The following MYOM2 variants were observed in gnomAD, a reference collection of about 807,000 sequenced individuals.
MYOM2 encodes myomesin 2, also known as myomesin-2.
In MYOM2, 254 loss-of-function variants were observed where a neutral mutation model predicts 187.6. That is an observed-to-expected ratio of 1.35 (90% CI 1.22 to 1.50). MYOM2 has a LOEUF of 1.50. MYOM2 is among the 40% of genes most tolerant of loss of function. MYOM2 has a pLI of 0.00. For synonymous variants in MYOM2, 981 were observed against 753.8 expected, an observed-to-expected ratio of 1.30 and a Z score of -4.94; for missense variants, 2,796 against 1,924.0, an observed-to-expected ratio of 1.45 and a Z score of -8.48.
chr8:2,096,578 T>C, intron 18 of MYOM2, 144 bp downstream of exon 18: 1 of 844,246 alleles, frequency 1.2e-6, no homozygotes, highest in Non-Finnish European at 1.8e-6. Context: ...TCATGAAGTT[T>C]TGGAGCTAAA....
intron 31 of MYOM2, chr8:2,127,709 C>T (rs1351101351): frequency 7.8e-6 from 1 of 128,078 alleles, no homozygotes; most frequent in Admixed American, 7.8e-5. Flanking sequence ...CTCGGCGTGA[C>T]GCGGTGACGC....
intron 1 of MYOM2, among the ~76,000 whole-genome samples, chr8:2,049,734 G>A (rs1818422092): frequency 6.6e-6 from 1 of 152,194 alleles, no homozygotes; most frequent in African/African-American, 2.4e-5. Context: ...CAGAGATTTA[G>A]GAATACGGTC....
At chr8:2,141,996 G>C (rs1166221018) in intron 34 of MYOM2, among the ~76,000 whole-genome samples, 1 of 151,890 alleles carries the variant, frequency 6.6e-6, no homozygotes, top group Non-Finnish European at 1.5e-5. Flanking sequence ...TTGTTGACTG[G>C]GTGCAGGGAT....
chr8:2,110,925 C>T (rs553795075), intron 25 of MYOM2, among the ~76,000 whole-genome samples: 9 of 152,298 alleles, frequency 5.9e-5, no homozygotes, highest in African/African-American at 1.9e-4. Flanking sequence ...CTCACTCCTA[C>T]GTGGGAGAGT....
Position 2,123,347 on chromosome 8 carries a change from T to C in MYOM2, c.3549T>C (p.Cys1183=). 1 of 1,612,390 alleles carries C rather than the reference T, an allele frequency of 6.2e-7. No individual in the cohort carries two copies. Among genetic ancestry groups the C allele is most frequent in the Non-Finnish European group, 8.5e-7 (1 of 1,179,160 alleles). ...ETLPNLERGI[C]ELLIPKLSKK... is the part of the protein sequence containing the mutation. ...TGCCTAACCTGGAGAGGGGAATCTG[T>C]GAGCTCCTCATCCCAAAGGTATCAG... Residue 1183 remains cysteine (C), a synonymous_variant, in exon 29 of 37, where the codon TGT becomes TGC. Coordinates refer to ENST00000262113, the MANE Select transcript of MYOM2 (RefSeq NM_003970.4).
At chr8:2,113,142 C>T (rs60704244) in intron 25 of MYOM2, among the ~76,000 whole-genome samples, 2,286 of 152,304 alleles carry the variant, frequency 0.015, 57 homozygotes, top group African/African-American at 0.052. Flanking sequence ...AAGCCGAGGC[C>T]GGGCATCCAC....
In MYOM2 at chr8:2,072,336, T is replaced by G; in HGVS notation, c.794-9T>G. 2 of 1,611,952 alleles carry G rather than the reference T, an allele frequency of 1.2e-6. No homozygotes were observed. Among genetic ancestry groups the G allele is most frequent in the Admixed American group, 3.3e-5 (2 of 59,772 alleles). ...TTCGGCCCTGAAAGCCTCCATCGTT[T>G]CTGTGCAGTGCCCCTGTCATCGATG... On this transcript the variant is annotated splice_polypyrimidine_tract_variant and intron_variant, in intron 8 of 36. Coordinates refer to ENST00000262113, the MANE Select transcript of MYOM2 (RefSeq NM_003970.4).
Position 2,143,405 on chromosome 8 carries a change from T to C in MYOM2, c.4029T>C (p.Arg1343=). The part of the protein sequence containing the change: ...FKAAAFAEKN[R]GRLIGGLPDV... ...CAAGGTGCTTTCCCGTTGCAGATCGTGGCAGGTTGATCGGCGGCTTGCCTG... is the reference window on the plus strand; with the variant it reads ...CAAGGTGCTTTCCCGTTGCAGATCGCGGCAGGTTGATCGGCGGCTTGCCTG... The change falls in exon 36 of 37, where the codon CGT becomes CGC. Residue 1343 remains arginine, a synonymous_variant. Transcript: ENST00000262113. 1.2e-6 allele frequency: 2 copies of C among 1,614,140 alleles called. No homozygotes were observed. Among genetic ancestry groups the C allele is most frequent in the Non-Finnish European group, 1.7e-6 (2 of 1,180,046 alleles).
chr8:2,057,115 A>G (rs1818691788), intron 3 of MYOM2, among the ~76,000 whole-genome samples: 1 of 152,172 alleles, frequency 6.6e-6, no homozygotes, highest in Non-Finnish European at 1.5e-5. Context: ...TTTTTTTATT[A>G]ATAAATCACA....
Position 2,085,698 on chromosome 8 carries a change from C to A in MYOM2, c.1644+308C>A, listed in dbSNP as rs1363691059. Among the ~76,000 whole-genome samples the A allele has an allele frequency of 1.3e-3, 17 of 12,642 alleles. 6 individuals are homozygous for A. Among genetic ancestry groups the A allele is most frequent in the Non-Finnish European group, 1.9e-3 (14 of 7,234 alleles). The allele number at this position is 12,642 out of a possible 152,430, so 8.3% of individuals were successfully genotyped here. On this transcript the variant is annotated intron_variant, in intron 14 of 36. Coordinates refer to ENST00000262113, the MANE Select transcript of MYOM2 (RefSeq NM_003970.4). ...CCCACTGTCGTGATCTCTGCGTGGCCCCCCACTGTCGTGATCTCTTTGTGG... is the reference window on the plus strand; with the variant it reads ...CCCACTGTCGTGATCTCTGCGTGGCACCCCACTGTCGTGATCTCTTTGTGG...
intron 2 of MYOM2, 44 bp downstream of exon 2, chr8:2,050,917 G>T: frequency 2.1e-6 from 3 of 1,461,702 alleles, no homozygotes; most frequent in Non-Finnish European, 2.9e-6. Context: ...CTTTGATTAT[G>T]GGGGTCTGAC....
intron 32 of MYOM2, among the ~76,000 whole-genome samples, chr8:2,134,114 G>T (rs772608132): frequency 3.9e-4 from 59 of 151,562 alleles, no homozygotes; most frequent in Non-Finnish European, 7.2e-4. Context: ...TATTAACTCT[G>T]CTACAGACCA....
At chr8:2,070,324 C>A (rs1275696030) in intron 8 of MYOM2, among the ~76,000 whole-genome samples, 1 of 152,214 alleles carries the variant, frequency 6.6e-6, no homozygotes, top group Non-Finnish European at 1.5e-5. Context: ...GAGAGTTGAC[C>A]GAAGCAACGA....
At chr8:2,124,487 T>C (rs1287392323) in intron 31 of MYOM2, among the ~76,000 whole-genome samples, 6 of 152,252 alleles carry the variant, frequency 3.9e-5, no homozygotes, top group South Asian at 2.1e-4. Flanking sequence ...CTTAGGTTAA[T>C]TGGCATGACT....
intron 7 of MYOM2, 21 bp from the exon 8 acceptor site, chr8:2,069,426 A>T (rs764136273): frequency 6.2e-7 from 1 of 1,613,910 alleles, no homozygotes; most frequent in Non-Finnish European, 8.5e-7. Context: ...TTTCTGCTGC[A>T]CTCACTTTGC....
Position 2,106,243 on chromosome 8 carries a change from C to G in MYOM2, c.2736C>G (p.Gly912=), listed in dbSNP as rs150756684. 36 of 1,613,816 alleles carry G rather than the reference C, an allele frequency of 2.2e-5. No homozygotes were observed. In the African/African-American group the frequency reaches 4.8e-4, roughly 22 times the overall value. The change falls in exon 22 of 37, where the codon GGC becomes GGG. Residue 912 remains glycine, a splice_region_variant and synonymous_variant. Transcript: ENST00000262113. ...TCACTTCATACTCTTCTTATGCAGG[C>G]ACCAAGGAAATCAGTGCTGGTGTCG... The part of the protein sequence containing the change: ...SEPVLVEARP[G]TKEISAGVDE...
At chr8:2,085,518 C>CCCTACTGTTGTGATCTCTG (rs1819813484) in intron 14 of MYOM2, 128 bp downstream of exon 14, 4 of 620,178 alleles carry the variant, frequency 6.4e-6, no homozygotes, top group Non-Finnish European at 9.3e-6. Context: ...CCGCGTGGCC[C>CCCTACTGTTGTGATCTCTG]CCCACTGTTG....
rs1295476546 is a variant in MYOM2, at chr8:2,069,377, G to C, written c.742+11G>C. On this transcript the variant is annotated intron_variant, in intron 7 of 36. Coordinates refer to ENST00000262113, the MANE Select transcript of MYOM2 (RefSeq NM_003970.4). Reference sequence around the variant, plus strand: ...CGGTGGTGGTGAGAAGTGAGTGCCGGGTGGGCTTTCACGGGGCACCTCCCG... The same window carrying C: ...CGGTGGTGGTGAGAAGTGAGTGCCGCGTGGGCTTTCACGGGGCACCTCCCG... 1 of 1,613,806 alleles carries C rather than the reference G, an allele frequency of 6.2e-7. No homozygotes were observed. The highest frequency in any genetic ancestry group is 1.3e-5 in the African/African-American group (1 of 74,908).
chr8:2,142,409 T>C lies in MYOM2; in HGVS notation c.4024+12T>C, dbSNP rs114777567. ...TTTTGCAGAGAAGAGTAAGTACCTG[T>C]TGGATTGTAACCAGGATGGTGAATT... On this transcript the variant is annotated intron_variant, in intron 35 of 36. Transcript: ENST00000262113. 561 of 1,613,548 alleles carry C rather than the reference T, an allele frequency of 3.5e-4. 3 individuals carry two copies. The African/African-American group carries it at 6.9e-3, about 20-fold the overall frequency.
Sources: allele counts gnomAD v4.1 joint callset (sites outside exome capture counted in the v4.1 genomes callset), GRCh38; gene constraint gnomAD v4.1.1; transcripts MANE v1.5; gene names NCBI Gene and HGNC (gene_info 2026-07-23, HGNC 2026-07-21).